Variants in DNMBP observed in about 807,000 individuals in gnomAD.
DNMBP encodes the protein dynamin binding protein, also known as dynamin-binding protein.
DNMBP carries 87 observed loss-of-function variants against 150.0 expected under a neutral mutation model. The observed-to-expected ratio is 0.58, with a 90% CI of 0.49 to 0.69. The LOEUF (loss-of-function observed/expected upper bound fraction) is 0.69, where lower values mean the gene tolerates loss of function less well. Among genes scored for constraint, DNMBP ranks in the 30% least tolerant of loss-of-function variants. The probability of loss-of-function intolerance (pLI) is 0.00; values close to 1 mark genes in which losing one functional copy is unlikely to be tolerated. For missense variants in DNMBP, 1,774 were observed against 1,949.0 expected (o/e 0.91, Z 1.69); for synonymous variants, 711 against 750.4 (o/e 0.95, Z 0.86).
Position 99,956,123 on chromosome 10 carries a change from C to A in DNMBP, c.1351G>T (p.Ala451Ser), listed in dbSNP as rs368211861. ...EQYPDLLPLE[A>S]RTRDYASLPP... ...AGGCTGGCATAGTCTCTAGTCCTTGCTTCTAGGGGAAGAAGGTCGGGGTAC... is the reference window on the plus strand; with the variant it reads ...AGGCTGGCATAGTCTCTAGTCCTTGATTCTAGGGGAAGAAGGTCGGGGTAC... The change falls in exon 4 of 17, where the codon GCA becomes TCA. Residue 451 changes from alanine to serine, a missense_variant. By Grantham distance (99) the Ala-to-Ser change is moderately conservative. This residue lies in a region of DNMBP where 1,430 missense variants were observed against 1,492.5 expected (regional missense o/e 0.96). Coordinates refer to ENST00000324109, the MANE Select transcript of DNMBP (RefSeq NM_015221.4). 1.2e-6 allele frequency: 2 copies of A among 1,614,138 alleles called. No homozygotes were observed.
intron 4 of DNMBP, among the ~76,000 whole-genome samples, chr10:99,931,316 G>A (rs1421485648): frequency 1.3e-5 from 2 of 152,002 alleles, no homozygotes; most frequent in Non-Finnish European, 2.9e-5. Context: ...AACCTTTCAG[G>A]ACTTCATCCC....
intron 4 of DNMBP, among the ~76,000 whole-genome samples, chr10:99,933,981 C>T (rs1203590031): frequency 8.5e-5 from 13 of 152,208 alleles, no homozygotes; most frequent in Non-Finnish European, 1.6e-4. Flanking sequence ...CATGATCCCC[C>T]TGCCTCGGCG....
At chr10:99,929,542 C>G (rs1038581035) in intron 4 of DNMBP, 1 of 604,982 alleles carries the variant, frequency 1.7e-6, no homozygotes, top group African/African-American at 1.9e-5. Flanking sequence ...GCTCCTAGTA[C>G]CTGGTATAAC....
At chr10:99,886,656 T>G in intron 12 of DNMBP, 24 bp from the exon 13 acceptor site, 2 of 1,596,348 alleles carry the variant, frequency 1.3e-6, no homozygotes, top group Non-Finnish European at 1.7e-6. Flanking sequence ...AAAGGCACAT[T>G]GCTCAGCTGG....
intron 1 of DNMBP, among the ~76,000 whole-genome samples, chr10:100,002,330 AAAAG>A (rs58533553): frequency 0.11 from 17,068 of 152,140 alleles, 1,296 homozygotes; most frequent in African/African-American, 0.2. Flanking sequence ...AAAAGAAAGA[AAAAG>A]AAAGAGAGAG....
rs2040490624 is a variant in DNMBP, at chr10:99,956,132, G to A, written c.1342C>T (p.Pro448Ser). 1.2e-6 allele frequency: 2 copies of A among 1,614,030 alleles called. No individual in the cohort carries two copies. The highest frequency in any genetic ancestry group is 2.2e-5 in the East Asian group (1 of 44,900). Residue 448 changes from proline (P) to serine (S), a missense_variant, in exon 4 of 17, where the codon CCC becomes TCC. Transcript: ENST00000324109. ...PHSEQYPDLL[P>S]LEARTRDYAS... is the part of the protein sequence containing the mutation. ...TAGTCTCTAGTCCTTGCTTCTAGGGGAAGAAGGTCGGGGTACTGTTCTGAG... is the reference window on the plus strand; with the variant it reads ...TAGTCTCTAGTCCTTGCTTCTAGGGAAAGAAGGTCGGGGTACTGTTCTGAG...
At chr10:99,895,122 CTT>C (rs373241582) in intron 10 of DNMBP, 72 bp from the exon 11 acceptor site, 11,926 of 501,328 alleles carry the variant, frequency 0.024, no homozygotes, top group Middle Eastern at 0.036. Flanking sequence ...AAGTAGCTTG[CTT>C]TTTTTTTTTT....
chr10:99,943,513 C>G (rs1435016813), intron 4 of DNMBP, among the ~76,000 whole-genome samples: 5 of 152,090 alleles, frequency 3.3e-5, no homozygotes, highest in Admixed American at 6.6e-5. Context: ...CCCAATCCTC[C>G]CACCTCAGTC....
chr10:99,972,992 G>A (rs2133356639), intron 1 of DNMBP, among the ~76,000 whole-genome samples: 1 of 152,216 alleles, frequency 6.6e-6, no homozygotes, highest in East Asian at 1.9e-4. Context: ...ACATTGGCCA[G>A]GCTCATCTCA....
chr10:99,929,538 A>C (rs1589423490), intron 4 of DNMBP: 13 of 604,716 alleles, frequency 2.1e-5, no homozygotes, highest in Non-Finnish European at 3.8e-5. Flanking sequence ...AAGTGCTCCT[A>C]GTACCTGGTA....
chr10:99,938,936 C>T (rs2133301025), intron 4 of DNMBP, among the ~76,000 whole-genome samples: 1 of 152,240 alleles, frequency 6.6e-6, no homozygotes, highest in South Asian at 2.1e-4. Context: ...CCTGAAGCAC[C>T]ACCTCACCGT....
chr10:99,996,297 G>A lies in DNMBP; in HGVS notation c.-11+13541C>T, dbSNP rs909674490. 8.2e-4 allele frequency among the ~76,000 whole-genome samples: 125 copies of A among 152,258 alleles called. 1 individual carries two copies. Among genetic ancestry groups the A allele is most frequent in the Non-Finnish European group, 1.6e-3 (112 of 68,028 alleles). On this transcript the variant is annotated intron_variant, in intron 1 of 16. Coordinates refer to ENST00000324109, the MANE Select transcript of DNMBP (RefSeq NM_015221.4). ...GAACTTTGGGAGGCCAAGGCAGGTGGATCACCTGAGGTCAGAAGTTTGAGA... is the reference window on the plus strand; with the variant it reads ...GAACTTTGGGAGGCCAAGGCAGGTGAATCACCTGAGGTCAGAAGTTTGAGA...
chr10:100,009,526 C>A (rs539188303), intron 1 of DNMBP, among the ~76,000 whole-genome samples: 1 of 152,224 alleles, frequency 6.6e-6, no homozygotes, highest in African/African-American at 2.4e-5. Flanking sequence ...AGTGGCAGGG[C>A]GGTGCAGAGA....
chr10:99,930,997 G>A, intron 4 of DNMBP: 1 of 429,182 alleles, frequency 2.3e-6, no homozygotes, highest in Admixed American at 4.1e-5. Flanking sequence ...AGAAGATAAT[G>A]AGTAACTAGT....
intron 4 of DNMBP, among the ~76,000 whole-genome samples, chr10:99,921,683 G>C (rs2040023644): frequency 1.5e-5 from 2 of 136,172 alleles, no homozygotes; most frequent in South Asian, 5.5e-4. Context: ...GCAAAACTCT[G>C]TCTCTACTGA....
At chr10:99,963,355 G>A (rs1383518080) in intron 3 of DNMBP, among the ~76,000 whole-genome samples, 1 of 150,996 alleles carries the variant, frequency 6.6e-6, no homozygotes, top group Non-Finnish European at 1.5e-5. Context: ...AAAGGTGTGG[G>A]TCACCATATT....
At chr10:99,891,916 T>TGGG (rs1201632881) in intron 11 of DNMBP, among the ~76,000 whole-genome samples, 1 of 128,002 alleles carries the variant, frequency 7.8e-6, no homozygotes, top group Non-Finnish European at 1.6e-5. Flanking sequence ...GGGAGGGAGG[T>TGGG]GGGGGGGTCA....
rs117399329 is a variant in DNMBP at position 99,887,527 on chromosome 10, A to T, written c.3286-895T>A. 6.6e-3 allele frequency among the ~76,000 whole-genome samples: 1,008 copies of T among 152,220 alleles called. 7 individuals are homozygous for T. Among genetic ancestry groups the T allele is most frequent in the Non-Finnish European group, 0.011 (724 of 68,012 alleles). On this transcript the variant is annotated intron_variant, in intron 12 of 16. Transcript: ENST00000324109. Reference sequence around the variant, plus strand: ...GGGTGACAGAGTGAGACTCCATCTCAAAACAAAAATTATAAATTTTTCTCT... The same window carrying T: ...GGGTGACAGAGTGAGACTCCATCTCTAAACAAAAATTATAAATTTTTCTCT...
intron 6 of DNMBP, among the ~76,000 whole-genome samples, chr10:99,907,534 C>T (rs1302561324): frequency 1.3e-5 from 2 of 151,780 alleles, no homozygotes; most frequent in Non-Finnish European, 2.9e-5. Flanking sequence ...TCCCAAGTAG[C>T]TGGGATTACA....
Sources: gnomAD v4.1 joint callset for allele counts (sites outside exome capture counted in the v4.1 genomes callset) on GRCh38, gnomAD v4.1.1 for gene constraint, gnomAD v4.1.1 regional missense constraint, MANE v1.5 for transcripts, NCBI Gene and HGNC (gene_info 2026-07-23, HGNC 2026-07-21) for gene names.